Variants in PRDM16 observed in about 807,000 individuals in gnomAD.
The protein encoded by PRDM16 is histone-lysine N-methyltransferase PRDM16.
In PRDM16, 23 loss-of-function variants were observed where a neutral mutation model predicts 110.6. The observed-to-expected ratio is 0.21, with a 90% CI of 0.15 to 0.29. The LOEUF (loss-of-function observed/expected upper bound fraction) is 0.29, where lower values mean the gene tolerates loss of function less well. Ranked by LOEUF, PRDM16 falls within the 10% of genes least tolerant of loss-of-function variation. The pLI is 1.00. For synonymous variants in PRDM16, 799 were observed against 781.8 expected (o/e 1.02, Z -0.37); for missense variants, 1,615 against 1,794.3 (o/e 0.90, Z 1.81).
chr1:3,267,741 C>T (rs565767755), intron 3 of PRDM16, among the ~76,000 whole-genome samples: 20 of 152,306 alleles, frequency 1.3e-4, no homozygotes, highest in Admixed American at 2.6e-4. Context: ...TTGAGCAGAG[C>T]GCCAGCCTCT....
At chr1:3,150,429 C>A (rs1054832124) in intron 1 of PRDM16, among the ~76,000 whole-genome samples, 1 of 151,620 alleles carries the variant, frequency 6.6e-6, no homozygotes, top group African/African-American at 2.4e-5. Flanking sequence ...CGTGGTGGCC[C>A]GTGCCTGTAG....
intron 3 of PRDM16, among the ~76,000 whole-genome samples, chr1:3,282,218 T>C (rs966700831): frequency 3.9e-5 from 6 of 152,210 alleles, no homozygotes; most frequent in African/African-American, 1.4e-4. Context: ...AGGGAGGCCA[T>C]GCTTCAGTGT....
At chr1:3,084,663 C>T (rs549022915) in intron 1 of PRDM16, among the ~76,000 whole-genome samples, 11 of 152,288 alleles carry the variant, frequency 7.2e-5, no homozygotes, top group South Asian at 4.1e-4. Context: ...GAATTTGAGT[C>T]GAGGCCACAT....
chr1:3,350,814 T>A lies in PRDM16; in HGVS notation c.439-34338T>A, dbSNP rs1423541467. On this transcript the variant is annotated intron_variant, in intron 3 of 16. Transcript: ENST00000270722. The surrounding 1 kb of genome is among the most constrained non-coding windows in gnomAD (Gnocchi z 7.1). ...TTCCTCTTTCTGGGCCTCAAACTCT[T>A]TTTTGAGGCCAGGTGGGTGGGGCCC... Among the ~76,000 whole-genome samples the A allele has an allele frequency of 6.6e-6, 1 of 152,026 alleles. No homozygotes were observed. The highest frequency in any genetic ancestry group is 1.9e-4 in the East Asian group (1 of 5,168).
In PRDM16 at chr1:3,165,547, G is replaced by A. The variant is rs184719743; in HGVS notation, c.38-20578G>A. 2.0e-4 allele frequency among the ~76,000 whole-genome samples: 16 copies of A among 80,366 alleles called. 5 individuals carry two copies. The highest frequency in any genetic ancestry group is 2.4e-4 in the Non-Finnish European group (10 of 40,948). 52.7% of individuals were successfully genotyped at this position (80,366 alleles called of 152,430 possible). ...GGGACAGTGACTCACCTGGGCTCAG[G>A]GACAGGGACTCACCAGGGCTCAGGG... On this transcript the variant is annotated intron_variant, in intron 1 of 16. Transcript: ENST00000270722.
intron 1 of PRDM16, among the ~76,000 whole-genome samples, chr1:3,159,824 G>A (rs962005014): frequency 2.0e-5 from 3 of 152,192 alleles, no homozygotes; most frequent in Non-Finnish European, 4.4e-5. Context: ...TTACCCCATC[G>A]AAGTGGGCTC....
Position 3,150,776 on chromosome 1 carries a change from C to A in PRDM16, c.38-35349C>A, listed in dbSNP as rs368904412. Among the ~76,000 whole-genome samples the A allele has an allele frequency of 2.7e-5, 4 of 149,804 alleles. 1 individual carries two copies. On this transcript the variant is annotated intron_variant, in intron 1 of 16. Coordinates refer to ENST00000270722, the MANE Select transcript of PRDM16 (RefSeq NM_022114.4). ...CCAGTCGCCAGTTGGCCGTTGGGGA[C>A]GTTTGAGCTTCCTCCTTACTTTTTG...
chr1:3,247,644 C>A (rs1639818887), intron 3 of PRDM16, among the ~76,000 whole-genome samples: 1 of 152,258 alleles, frequency 6.6e-6, no homozygotes, highest in Admixed American at 6.5e-5. Context: ...TCTGCGCCTT[C>A]GTTCACTCCG....
intron 4 of PRDM16, among the ~76,000 whole-genome samples, chr1:3,386,136 C>T (rs1028986503): frequency 3.0e-5 from 4 of 133,052 alleles, no homozygotes; most frequent in Admixed American, 2.4e-4. Context: ...GAACACCGTG[C>T]GTTCCTCGGG....
chr1:3,205,836 C>A (rs978991581), intron 2 of PRDM16, among the ~76,000 whole-genome samples: 2 of 152,170 alleles, frequency 1.3e-5, no homozygotes, highest in Non-Finnish European at 1.5e-5. Flanking sequence ...GCATCCCCTG[C>A]CTCTTCACCC....
intron 3 of PRDM16, among the ~76,000 whole-genome samples, chr1:3,257,578 G>C (rs763778310): frequency 1.9e-4 from 8 of 42,080 alleles, no homozygotes; most frequent in Admixed American, 6.8e-4. Flanking sequence ...TTTAGAAGCT[G>C]TTTGTTACAT....
At chr1:3,384,180 C>T (rs571327429) in intron 3 of PRDM16, among the ~76,000 whole-genome samples, 145 of 152,166 alleles carry the variant, frequency 9.5e-4, no homozygotes, top group Non-Finnish European at 1.8e-3. Context: ...GCAGGACACA[C>T]CTGCCCAAGG....
chr1:3,123,985 G>C (rs1289134073), intron 1 of PRDM16, among the ~76,000 whole-genome samples: 1 of 152,242 alleles, frequency 6.6e-6, no homozygotes, highest in Non-Finnish European at 1.5e-5. Context: ...ACGCCGTATG[G>C]TGGGCGTCCG....
intron 1 of PRDM16, among the ~76,000 whole-genome samples, chr1:3,087,209 C>T (rs1356477971): frequency 6.6e-6 from 1 of 150,424 alleles, no homozygotes; most frequent in Admixed American, 6.6e-5. Context: ...ACCAGCCCCA[C>T]CCGAGACCAG....
At chr1:3,269,818 C>T (rs1244355016) in intron 3 of PRDM16, among the ~76,000 whole-genome samples, 1 of 145,486 alleles carries the variant, frequency 6.9e-6, no homozygotes, top group East Asian at 2.1e-4. Context: ...CAGAGAATGA[C>T]AGGGAGGAGG....
chr1:3,182,781 C>T (rs1644226471), intron 1 of PRDM16, among the ~76,000 whole-genome samples: 3 of 152,138 alleles, frequency 2.0e-5, no homozygotes, highest in African/African-American at 7.2e-5. Context: ...CAAAGCAGGG[C>T]CTCTCCGTGA....
intron 3 of PRDM16, among the ~76,000 whole-genome samples, chr1:3,337,546 C>A (rs908925709): frequency 6.6e-6 from 1 of 152,172 alleles, no homozygotes; most frequent in South Asian, 2.1e-4. Flanking sequence ...CATCAGGGAC[C>A]TTTGAGCTAG....
intron 8 of PRDM16, 126 bp downstream of exon 8, chr1:3,405,774 T>A: frequency 1.0e-6 from 1 of 957,768 alleles, no homozygotes; most frequent in Non-Finnish European, 1.5e-6. Context: ...CATAAAGCAC[T>A]CATGGCAGGT....
chr1:3,246,595 C>G lies in PRDM16; in HGVS notation c.438+2458C>G, dbSNP rs907291831. Among the ~76,000 whole-genome samples the G allele has an allele frequency of 1.3e-5, 2 of 152,186 alleles. No individual in the cohort carries two copies. Among genetic ancestry groups the G allele is most frequent in the African/African-American group, 2.4e-5 (1 of 41,438 alleles). ...GCTGGGGGCTGCCTGGAGGAGGCAC[C>G]CAAGTCCTCAGGCACAGCTCCACCA... On this transcript the variant is annotated intron_variant, in intron 3 of 16. Coordinates refer to ENST00000270722, the MANE Select transcript of PRDM16 (RefSeq NM_022114.4). The surrounding 1 kb of genome is among the most constrained non-coding windows in gnomAD (Gnocchi z 5.2).
Sources: allele counts gnomAD v4.1 joint callset (sites outside exome capture counted in the v4.1 genomes callset), GRCh38; gene constraint gnomAD v4.1.1; non-coding constraint Gnocchi (gnomAD v3.1); transcripts MANE v1.5; gene names NCBI Gene and HGNC (gene_info 2026-07-23, HGNC 2026-07-21).